The following TP63 variants were observed in gnomAD, a reference collection of about 807,000 sequenced individuals.
The protein encoded by TP63 is tumor protein 63.
A neutral mutation model predicts 82.8 loss-of-function variants in TP63; 17 were observed. The observed-to-expected ratio is 0.21, with a 90% CI of 0.14 to 0.31. The LOEUF (loss-of-function observed/expected upper bound fraction) is 0.31, where lower values mean the gene tolerates loss of function less well. Ranked by LOEUF, TP63 falls within the 10% of genes least tolerant of loss-of-function variation. The pLI is 1.00. For synonymous variants in TP63, 330 were observed against 321.7 expected, an observed-to-expected ratio of 1.03 and a Z score of -0.28; for missense variants, 648 against 895.3, an observed-to-expected ratio of 0.72 and a Z score of 3.52.
intron 1 of TP63, among the ~76,000 whole-genome samples, chr3:189,713,786 T>C (rs932014709): frequency 2.6e-5 from 4 of 152,138 alleles, no homozygotes; most frequent in Non-Finnish European, 5.9e-5. Context: ...AATTTTATAA[T>C]TGATGCTTTT....
At chr3:189,606,618 A>G in the TP63 span, among the ~76,000 whole-genome samples, 5 of 144,702 alleles carry the variant, frequency 3.5e-5, no homozygotes, top group African/African-American at 5.1e-5. Flanking sequence ...GGTTGAAGCA[A>G]TTATCGTGCC....
intron 10 of TP63, chr3:189,881,282 C>T: frequency 2.0e-6 from 2 of 985,164 alleles, no homozygotes; most frequent in Non-Finnish European, 2.4e-6. Flanking sequence ...TTTTTTTACT[C>T]AAAAGTTTAG....
In TP63 at chr3:189,896,933, A is replaced by G. The variant is rs1721517695; in HGVS notation, c.*2431A>G. On this transcript the variant is annotated 3_prime_UTR_variant, in exon 14 of 14. Coordinates refer to ENST00000264731, the MANE Select transcript of TP63 (RefSeq NM_003722.5). ...GAAAAGTTTTTGTTTGGAGACGTTT[A>G]TAAACAGAAATGGAAAGCAGAGTTT... 4.4e-6 allele frequency: 1 copy of G among 225,954 alleles called. No homozygotes were observed. The highest frequency in any genetic ancestry group is 1.8e-4 in the South Asian group (1 of 5,458). The allele number at this position is 225,954 out of a possible 1,614,324, so 14.0% of individuals were successfully genotyped here. A position where few individuals can be genotyped will look rare whatever the true frequency, so the allele number is the denominator to read the frequency against.
intron 3 of TP63, among the ~76,000 whole-genome samples, chr3:189,774,650 AC>A (rs1560174180): frequency 6.6e-6 from 1 of 152,190 alleles, no homozygotes; most frequent in African/African-American, 2.4e-5. Flanking sequence ...CCTTACAGTT[AC>A]CTGTAAATGA....
chr3:189,883,981 A>G (rs756373184), intron 10 of TP63, among the ~76,000 whole-genome samples: 4 of 151,330 alleles, frequency 2.6e-5, no homozygotes, highest in Non-Finnish European at 5.9e-5. Context: ...TTATTTTTCT[A>G]ATTGTGGCTA....
At chr3:189,868,067 A>G (rs1717949903) in intron 7 of TP63, 125 bp downstream of exon 7, 1 of 803,724 alleles carries the variant, frequency 1.2e-6, no homozygotes, top group South Asian at 1.5e-5. Flanking sequence ...TGTGCTCTAA[A>G]TCCTTGCTAC....
intron 3 of TP63, among the ~76,000 whole-genome samples, chr3:189,797,158 G>T (rs1725788657): frequency 6.6e-6 from 1 of 152,058 alleles, no homozygotes; most frequent in Non-Finnish European, 1.5e-5. Flanking sequence ...ATGGCAAAAA[G>T]ATTTCCTTAT....
At chr3:189,765,096 T>C (rs903231330) in intron 3 of TP63, among the ~76,000 whole-genome samples, 1 of 152,204 alleles carries the variant, frequency 6.6e-6, no homozygotes, top group Non-Finnish European at 1.5e-5. Flanking sequence ...AAACCATCTT[T>C]GCTATTGAAT....
intron 1 of TP63, among the ~76,000 whole-genome samples, chr3:189,687,108 A>T (rs143127909): frequency 2.2e-4 from 34 of 152,104 alleles, no homozygotes; most frequent in Non-Finnish European, 3.8e-4. Context: ...AGCACTCTAG[A>T]TAAGGGAGAA....
chr3:189,828,583 T>C (rs1297741634), intron 4 of TP63, among the ~76,000 whole-genome samples: 1 of 152,208 alleles, frequency 6.6e-6, no homozygotes, highest in African/African-American at 2.4e-5. Context: ...ATACCTGTAA[T>C]TGGTCAGACA....
intron 1 of TP63, among the ~76,000 whole-genome samples, chr3:189,681,112 G>A (rs1715866186): frequency 6.6e-6 from 1 of 152,170 alleles, no homozygotes; most frequent in Admixed American, 6.6e-5. Flanking sequence ...TCTGCTAAAT[G>A]TATCTTTTCT....
At chr3:189,599,095 A>G in the TP63 span, among the ~76,000 whole-genome samples, 4 of 152,198 alleles carry the variant, frequency 2.6e-5, no homozygotes, top group Non-Finnish European at 5.9e-5. Flanking sequence ...TTTCACTCTT[A>G]AAGTTTGTAA....
intron 10 of TP63, among the ~76,000 whole-genome samples, chr3:189,878,454 T>C (rs992419732): frequency 6.8e-6 from 1 of 147,760 alleles, no homozygotes; most frequent in African/African-American, 2.5e-5. Context: ...AGTGGCATGA[T>C]CTCGGCTCAC....
intron 4 of TP63, among the ~76,000 whole-genome samples, chr3:189,853,606 C>G (rs991039207): frequency 1.1e-4 from 17 of 152,176 alleles, no homozygotes; most frequent in African/African-American, 4.1e-4. Context: ...ATAATATCCT[C>G]TTCACACTCA....
chr3:189,723,853 A>G (rs1167312826), intron 1 of TP63, among the ~76,000 whole-genome samples: 1 of 152,220 alleles, frequency 6.6e-6, no homozygotes, highest in Non-Finnish European at 1.5e-5. Context: ...ATTGGAAGAT[A>G]GACATTTCTG....
chr3:189,624,252 G>T, the TP63 span, among the ~76,000 whole-genome samples: 2,046 of 152,132 alleles, frequency 0.013, 25 homozygotes, highest in East Asian at 0.046. Context: ...AGCAGATCAC[G>T]TAAATTTTTC....
chr3:189,775,710 T>C (rs1191215036), intron 3 of TP63, among the ~76,000 whole-genome samples: 3 of 152,186 alleles, frequency 2.0e-5, no homozygotes, highest in African/African-American at 7.2e-5. Context: ...AACATAGAAG[T>C]GAAAACTTTT....
At chr3:189,643,248 G>A (rs992839783) in intron 1 of TP63, among the ~76,000 whole-genome samples, 1 of 151,972 alleles carries the variant, frequency 6.6e-6, no homozygotes, top group African/African-American at 2.4e-5. Context: ...TGATCTGCCC[G>A]CCTCAGCCTC....
At chr3:189,804,363 A>G (rs147050729) in intron 3 of TP63, among the ~76,000 whole-genome samples, 41 of 152,358 alleles carry the variant, frequency 2.7e-4, no homozygotes, top group African/African-American at 9.9e-4. Context: ...AAAAACTGCA[A>G]TTGGTCACAC....
Sources: gnomAD v4.1 joint callset for allele counts (sites outside exome capture counted in the v4.1 genomes callset) on GRCh38, gnomAD v4.1.1 for gene constraint, MANE v1.5 for transcripts, NCBI Gene and HGNC (gene_info 2026-07-23, HGNC 2026-07-21) for gene names.